The following STIM1 variants were observed in gnomAD, a reference collection of about 807,000 sequenced individuals.
STIM1 encodes the protein stromal interaction molecule 1.
STIM1 carries 25 observed loss-of-function variants against 74.7 expected under a neutral mutation model. That is an observed-to-expected ratio of 0.33 (90% CI 0.24 to 0.47). The LOEUF (loss-of-function observed/expected upper bound fraction) is 0.47. Among genes scored for constraint, STIM1 ranks in the 20% least tolerant of loss-of-function variants. The pLI is 1.00. For missense variants in STIM1, 728 were observed against 920.8 expected (o/e 0.79, Z 2.71); for synonymous variants, 328 against 348.8 (o/e 0.94, Z 0.66).
intron 1 of STIM1, among the ~76,000 whole-genome samples, chr11:3,856,647 G>A (rs1178820405): frequency 6.6e-6 from 1 of 152,212 alleles, no homozygotes; most frequent in Non-Finnish European, 1.5e-5. Context: ...TTTGTTGGCA[G>A]TAAGAAGAAG....
At chr11:4,010,532 G>C (rs961773931) in intron 2 of STIM1, among the ~76,000 whole-genome samples, 5 of 152,072 alleles carry the variant, frequency 3.3e-5, no homozygotes, top group Non-Finnish European at 7.4e-5. Context: ...GCCAGTAAAA[G>C]ACACACACAA....
intron 2 of STIM1, among the ~76,000 whole-genome samples, chr11:4,004,997 G>A (rs1040175147): frequency 1.3e-5 from 2 of 152,150 alleles, no homozygotes; most frequent in Non-Finnish European, 2.9e-5. Flanking sequence ...CATCATCACT[G>A]GTCATCAGAG....
chr11:3,892,863 C>G (rs989200553), intron 1 of STIM1: 1 of 1,599,012 alleles, frequency 6.3e-7, no homozygotes, highest in Non-Finnish European at 8.6e-7. Flanking sequence ...ACAGCAATGT[C>G]GAAGAACACG....
At position 4,088,469 on chromosome 11, in the gene STIM1, C is replaced by A. The variant is rs574963114; in HGVS notation, c.1634+1926C>A. 3 of 491,412 alleles carry A rather than the reference C, an allele frequency of 6.1e-6. No individual in the cohort carries two copies. In the South Asian group the frequency reaches 6.2e-5, roughly 10 times the overall value. 30.4% of individuals were successfully genotyped at this position (491,412 alleles called of 1,614,324 possible). On this transcript the variant is annotated intron_variant, in intron 12 of 12. Transcript: ENST00000526596. ...GATTGCCCTTACTAGGATTATTACT[C>A]AGCAGAGCCACTCATATCCATTCTC...
intron 1 of STIM1, among the ~76,000 whole-genome samples, chr11:3,857,096 GTTTTTTTTTTTGTTT>G (rs1403730010): frequency 5.1e-5 from 4 of 78,014 alleles, no homozygotes; most frequent in Non-Finnish European, 9.5e-5. Context: ...CATGCTACAG[GTTTTTTTTTTTGTTT>G]TTTTTTTTTT....
At chr11:4,044,884 C>T (rs2094178117) in intron 3 of STIM1, among the ~76,000 whole-genome samples, 1 of 152,126 alleles carries the variant, frequency 6.6e-6, no homozygotes, top group African/African-American at 2.4e-5. Flanking sequence ...TGAACAATAT[C>T]TGGAGACATT....
chr11:3,856,363 G>A lies in STIM1; in HGVS notation c.93G>A (p.Ala31=). The A allele has an allele frequency of 2.5e-6, 4 of 1,614,184 alleles. No individual in the cohort carries two copies. The highest frequency in any genetic ancestry group is 3.4e-6 in the Non-Finnish European group (4 of 1,180,034). Residue 31 remains alanine, a synonymous_variant, in exon 1 of 13, where the codon GCG becomes GCA. Transcript: ENST00000526596. ...QSLSHSHSEK[A]TGTSSGANSE... is the part of the protein sequence containing the mutation. ...TCAGCCATAGTCACAGTGAGAAGGCGACAGGAACCAGCTCGGGGGCCAACT... is the reference window on the plus strand; with the variant it reads ...TCAGCCATAGTCACAGTGAGAAGGCAACAGGAACCAGCTCGGGGGCCAACT...
intron 1 of STIM1, among the ~76,000 whole-genome samples, chr11:3,938,191 G>GC (rs950790342): frequency 5.9e-5 from 9 of 152,196 alleles, no homozygotes; most frequent in Admixed American, 5.2e-4. Flanking sequence ...ACCTGCCTTG[G>GC]CCCCCCAAAG....
At chr11:4,001,050 G>T (rs1003175602) in intron 2 of STIM1, among the ~76,000 whole-genome samples, 1 of 152,150 alleles carries the variant, frequency 6.6e-6, no homozygotes, top group Non-Finnish European at 1.5e-5. Context: ...AGAATAAAAA[G>T]AAACGAACAA....
intron 2 of STIM1, among the ~76,000 whole-genome samples, chr11:3,980,026 C>T (rs962658578): frequency 6.6e-6 from 1 of 152,188 alleles, no homozygotes; most frequent in Non-Finnish European, 1.5e-5. Flanking sequence ...TACATAGTCT[C>T]TATCGCTCGA....
In STIM1 at chr11:3,895,725, TCTTTCTTTCTTTTTCTTTCTTCCTTC is replaced by T. The variant is rs2092109449; in HGVS notation, c.139+39320_139+39345del. 1.4e-4 allele frequency among the ~76,000 whole-genome samples: 6 copies of T among 41,782 alleles called. 1 individual carries two copies. Among genetic ancestry groups the T allele is most frequent in the African/African-American group, 8.3e-4 (5 of 6,056 alleles). The allele number at this position is 41,782 out of a possible 152,430, so 27.4% of individuals were successfully genotyped here. A position where few individuals can be genotyped will look rare whatever the true frequency, so the allele number is the denominator to read the frequency against. ...TTCTTTCTTTCTTTCTTTCTTTCTT[TCTTTCTTTCTTTTTCTTTCTTCCTTC>T]CTTCCTTCCTTCCTTCCTTCCTTCC... On this transcript the variant is annotated intron_variant, in intron 1 of 12. Transcript: ENST00000526596.
chr11:3,895,676 TTCCTTCC>T (rs1565104885), intron 1 of STIM1, among the ~76,000 whole-genome samples: 600 of 42,800 alleles, frequency 0.014, 17 homozygotes, highest in African/African-American at 0.038. Context: ...CTTTCTTTCC[TTCCTTCC>T]TTCTTTCTTT....
At chr11:3,947,842 T>A (rs2093097919) in intron 1 of STIM1, 1 of 152,246 alleles carries the variant, frequency 6.6e-6, no homozygotes, top group Admixed American at 6.5e-5. Flanking sequence ...TATCTGGGCT[T>A]CAGTTTTCTC....
intron 2 of STIM1, among the ~76,000 whole-genome samples, chr11:3,982,087 C>T (rs2093511213): frequency 6.7e-6 from 1 of 150,076 alleles, no homozygotes; most frequent in Non-Finnish European, 1.5e-5. Context: ...AGTGCAGTGG[C>T]ATGCTCATAG....
chr11:4,086,761 T>C, intron 12 of STIM1: 1 of 1,537,120 alleles, frequency 6.5e-7, no homozygotes, highest in Non-Finnish European at 8.7e-7. Context: ...CCCTGTTTAT[T>C]ACCACCACAG....
intron 3 of STIM1, among the ~76,000 whole-genome samples, chr11:4,037,018 A>G (rs1302474015): frequency 1.3e-5 from 2 of 150,142 alleles, no homozygotes; most frequent in African/African-American, 4.9e-5. Flanking sequence ...TCAATTTTCC[A>G]CCTACTTGTT....
chr11:3,978,577 A>G lies in STIM1; in HGVS notation c.270+10895A>G, dbSNP rs377748010. Among the ~76,000 whole-genome samples the G allele has an allele frequency of 2.3e-3, 340 of 150,768 alleles. 2 individuals are homozygous for G. The highest frequency in any genetic ancestry group is 7.7e-3 in the African/African-American group (319 of 41,248). On this transcript the variant is annotated intron_variant, in intron 2 of 12. Transcript: ENST00000526596. Reference sequence around the variant, plus strand: ...GGAGTTTGAGACCAGCCTGTCCAACATGGTGAAACCCCGTCTCTACTAAAA... The same window carrying G: ...GGAGTTTGAGACCAGCCTGTCCAACGTGGTGAAACCCCGTCTCTACTAAAA...
intron 7 of STIM1, among the ~76,000 whole-genome samples, chr11:4,081,260 AG>A (rs2094463967): frequency 6.6e-6 from 1 of 152,238 alleles, no homozygotes; most frequent in Non-Finnish European, 1.5e-5. Flanking sequence ...TGAGACAGCA[AG>A]AAACTCAGTG....
chr11:4,018,369 G>A (rs1348927247), intron 2 of STIM1, among the ~76,000 whole-genome samples: 1 of 139,676 alleles, frequency 7.2e-6, no homozygotes, highest in African/African-American at 2.6e-5. Flanking sequence ...GGATAATGGC[G>A]TGAACCCGGG....
Sources: gnomAD v4.1 joint callset for allele counts (sites outside exome capture counted in the v4.1 genomes callset) on GRCh38, gnomAD v4.1.1 for gene constraint, MANE v1.5 for transcripts, NCBI Gene and HGNC (gene_info 2026-07-23, HGNC 2026-07-21) for gene names.